Variants in TATDN3 observed in about 807,000 individuals in gnomAD.
The protein encoded by TATDN3 is TatD DNase domain containing 3, also known as deoxyribonuclease TATDN3.
In TATDN3, 29 loss-of-function variants were observed where a neutral mutation model predicts 40.1. That is an observed-to-expected ratio of 0.72 (90% CI 0.54 to 0.99). The LOEUF (loss-of-function observed/expected upper bound fraction) is 0.99. Among genes scored for constraint, TATDN3 ranks in the 50% least tolerant of loss-of-function variants. TATDN3 has a pLI of 0.00. For missense variants in TATDN3, 309 were observed against 321.9 expected (o/e 0.96, Z 0.31); for synonymous variants, 105 against 117.0 (o/e 0.90, Z 0.66).
chr1:212,803,488 G>A (rs1225750460), intron 5 of TATDN3, among the ~76,000 whole-genome samples: 1 of 151,992 alleles, frequency 6.6e-6, no homozygotes, highest in African/African-American at 2.4e-5. Context: ...CCGGCCAATT[G>A]TGAAATATTT....
chr1:212,814,010 A>G (rs1395716394), intron 9 of TATDN3, among the ~76,000 whole-genome samples: 3 of 151,916 alleles, frequency 2.0e-5, no homozygotes, highest in Non-Finnish European at 4.4e-5. Context: ...AATAGAGACA[A>G]GGTCTCACTA....
intron 7 of TATDN3, among the ~76,000 whole-genome samples, chr1:212,805,026 A>G (rs1281323531): frequency 2.6e-5 from 4 of 152,224 alleles, no homozygotes; most frequent in Non-Finnish European, 5.9e-5. Flanking sequence ...CAGTGGCACA[A>G]TCTCAGCTCA....
intron 1 of TATDN3, among the ~76,000 whole-genome samples, chr1:212,794,394 C>A (rs1661590211): frequency 6.6e-6 from 1 of 152,048 alleles, no homozygotes; most frequent in Non-Finnish European, 1.5e-5. Context: ...AGTTAAAGAC[C>A]AGCTTGGCCA....
At position 212,802,542 on chromosome 1, in the gene TATDN3, C is replaced by T. The variant is rs1017595297; in HGVS notation, c.259-159C>T. Among the ~76,000 whole-genome samples, 4 of 152,188 alleles carry T rather than the reference C, an allele frequency of 2.6e-5. No individual in the cohort carries two copies. The East Asian group carries it at 5.8e-4, about 22-fold the overall frequency. ...ACTCAAACTTACAGGTAGAGGTACT[C>T]ACCATTTTAGAAGGATTACTATTGG... On this transcript the variant is annotated intron_variant, in intron 4 of 9. Transcript: ENST00000366974.
At position 212,815,097 on chromosome 1, in the gene TATDN3, G is replaced by C. The variant is rs1464944763; in HGVS notation, c.766G>C (p.Val256Leu). 6.2e-6 allele frequency: 10 copies of C among 1,614,016 alleles called. No homozygotes were observed. The Admixed American group carries it at 1.3e-4, about 22-fold the overall frequency. ...KGISVEEVIE[V>L]TTQNALKLFP... Reference sequence around the variant, plus strand: ...GATCTCAGTGGAAGAAGTTATAGAAGTGACGACACAGAATGCATTAAAACT... The same window carrying C: ...GATCTCAGTGGAAGAAGTTATAGAACTGACGACACAGAATGCATTAAAACT... The change falls in exon 10 of 10, where the codon GTG (valine) becomes CTG (leucine). Residue 256 changes from valine (V) to leucine (L), a missense_variant. By Grantham distance (32) the Val-to-Leu change is conservative. Transcript: ENST00000366974.
chr1:212,802,182 A>G (rs1357702067), intron 4 of TATDN3, among the ~76,000 whole-genome samples: 1 of 152,222 alleles, frequency 6.6e-6, no homozygotes, highest in Non-Finnish European at 1.5e-5. Flanking sequence ...TGAGATACTC[A>G]TTGTTTATAT....
At chr1:212,797,032 G>A (rs1282274376) in intron 3 of TATDN3, 80 bp from the exon 4 acceptor site, 9 of 1,086,162 alleles carry the variant, frequency 8.3e-6, no homozygotes, top group South Asian at 4.0e-5. Context: ...CACCATGCCC[G>A]ACCTCTACTT....
chr1:212,810,971 G>A (rs1398298879), intron 8 of TATDN3, among the ~76,000 whole-genome samples: 1 of 152,018 alleles, frequency 6.6e-6, no homozygotes. Context: ...AGAACATCCA[G>A]TTAGCATTTA....
rs766588722 is a variant in TATDN3, at chr1:212,807,868, C to T, written c.600+20C>T. On this transcript the variant is annotated intron_variant, in intron 8 of 9. Coordinates refer to ENST00000366974, the MANE Select transcript of TATDN3 (RefSeq NM_001042552.3). ...GGACAGGTAAATTTTTTCATTGAAA[C>T]TCATCTAATACTTATGAAATAAAAT... 2.0e-5 allele frequency: 30 copies of T among 1,467,470 alleles called. No homozygotes were observed. Among genetic ancestry groups the T allele is most frequent in the Admixed American group, 1.4e-4 (8 of 56,644 alleles). The allele number at this position is 1,467,470 out of a possible 1,614,324, so 90.9% of individuals were successfully genotyped here.
intron 4 of TATDN3, among the ~76,000 whole-genome samples, chr1:212,799,408 A>C (rs946344301): frequency 7.2e-5 from 11 of 152,208 alleles, no homozygotes; most frequent in African/African-American, 2.4e-4. Flanking sequence ...ATGATGCTGG[A>C]TGGGACCAGA....
chr1:212,810,237 C>T (rs1662781481), intron 8 of TATDN3, among the ~76,000 whole-genome samples: 1 of 151,786 alleles, frequency 6.6e-6, no homozygotes, highest in African/African-American at 2.4e-5. Flanking sequence ...AGGCAGGGCG[C>T]GGTGGCTCAC....
chr1:212,802,901 G>A (rs550259408), intron 5 of TATDN3, 138 bp downstream of exon 5: 222 of 578,186 alleles, frequency 3.8e-4, no homozygotes, highest in Non-Finnish European at 5.7e-4. Flanking sequence ...ATAATAATTC[G>A]TTGATACTTC....
rs776581874 is a variant in TATDN3 at position 212,802,770 on chromosome 1, A to G, written c.321+7A>G. ...GTTGTTGGCAATTGGAGAGGTAAAC[A>G]CCCACTAACTGATCAAACAGCTTCT... On this transcript the variant is annotated splice_region_variant and intron_variant, in intron 5 of 9. Transcript: ENST00000366974. The G allele has an allele frequency of 1.8e-5, 29 of 1,591,784 alleles. No homozygotes were observed. Among genetic ancestry groups the G allele is most frequent in the Non-Finnish European group, 2.3e-5 (27 of 1,159,844 alleles).
chr1:212,794,313 G>C (rs1193442411), intron 1 of TATDN3, among the ~76,000 whole-genome samples: 2 of 151,798 alleles, frequency 1.3e-5, no homozygotes, highest in African/African-American at 4.8e-5. Context: ...GACTCAGGCT[G>C]GGTTCGATGG....
intron 4 of TATDN3, among the ~76,000 whole-genome samples, chr1:212,801,146 C>T: frequency 6.6e-6 from 1 of 151,428 alleles, no homozygotes; most frequent in East Asian, 1.9e-4. Context: ...GCTATGATCG[C>T]ACCACTGCAC....
Position 212,797,393 on chromosome 1 carries a change from C to T in TATDN3, c.258+197C>T, listed in dbSNP as rs971195606. 1.7e-5 allele frequency: 9 copies of T among 544,802 alleles called. No individual in the cohort carries two copies. The South Asian group carries it at 2.2e-4, about 13-fold the overall frequency. The allele number at this position is 544,802 out of a possible 1,614,324, so 33.7% of individuals were successfully genotyped here. ...TAGAAACAGCCTAGAGGTTCAGAAACAAAGGAATCATTAGTTAAGTTGTAG... is the reference window on the plus strand; with the variant it reads ...TAGAAACAGCCTAGAGGTTCAGAAATAAAGGAATCATTAGTTAAGTTGTAG... On this transcript the variant is annotated intron_variant, in intron 4 of 9. Transcript: ENST00000366974.
chr1:212,809,419 T>G (rs1217433230), intron 8 of TATDN3, among the ~76,000 whole-genome samples: 1 of 152,206 alleles, frequency 6.6e-6, no homozygotes, highest in Admixed American at 6.5e-5. Flanking sequence ...GCGCAGTGGC[T>G]TATGCCTGTA....
chr1:212,800,408 C>CT (rs1481229215), intron 4 of TATDN3, among the ~76,000 whole-genome samples: 2 of 146,294 alleles, frequency 1.4e-5, no homozygotes, highest in Non-Finnish European at 3.0e-5. Flanking sequence ...GAATCTTGCT[C>CT]TGTCACCCAG....
intron 9 of TATDN3, 106 bp from the exon 10 acceptor site, chr1:212,814,907 A>T (rs1663103052): frequency 7.9e-7 from 1 of 1,271,100 alleles, no homozygotes. Flanking sequence ...ATTAAAAAGG[A>T]GCCCATCAGT....
Sources: allele counts gnomAD v4.1 joint callset (sites outside exome capture counted in the v4.1 genomes callset), GRCh38; gene constraint gnomAD v4.1.1; transcripts MANE v1.5; gene names NCBI Gene and HGNC (gene_info 2026-07-23, HGNC 2026-07-21).